Variants in DIAPH1 observed in about 807,000 individuals in gnomAD.
DIAPH1 encodes diaphanous related formin 1.
In DIAPH1, 46 loss-of-function variants were observed where a neutral mutation model predicts 140.7. The ratio of observed to expected loss-of-function variants is 0.33; its 90% CI spans 0.26 to 0.42. DIAPH1 has a LOEUF of 0.42. Among genes scored for constraint, DIAPH1 ranks in the 10% least tolerant of loss-of-function variants. The probability of loss-of-function intolerance (pLI) is 1.00; values close to 1 mark genes in which losing one functional copy is unlikely to be tolerated. For synonymous variants in DIAPH1, 565 were observed against 551.6 expected (o/e 1.02, Z -0.34); for missense variants, 1,310 against 1,558.7 (o/e 0.84, Z 2.69).
At chr5:141,591,695 GATATATATATATATATATATAT>G (rs56117502) in intron 1 of DIAPH1, among the ~76,000 whole-genome samples, 5 of 86,326 alleles carry the variant, frequency 5.8e-5, no homozygotes, top group African/African-American at 2.9e-4. Flanking sequence ...GGGAGATGGG[GATATATATATATATATATATAT>G]ATATATATAT....
intron 18 of DIAPH1, among the ~76,000 whole-genome samples, chr5:141,555,601 C>T (rs2099892444): frequency 6.6e-6 from 1 of 152,182 alleles, no homozygotes; most frequent in South Asian, 2.1e-4. Flanking sequence ...CTCATGCTGT[C>T]CCTCACCCTA....
intron 17 of DIAPH1, 21 bp from the exon 18 acceptor site, chr5:141,571,457 G>A (rs1018604831): frequency 6.2e-7 from 1 of 1,607,208 alleles, no homozygotes; most frequent in African/African-American, 1.3e-5. Flanking sequence ...AAAGTGCCAG[G>A]AGGGAGAAGG....
chr5:141,529,357 C>T (rs1179844660), intron 20 of DIAPH1, 84 bp from the exon 21 acceptor site: 3 of 1,105,820 alleles, frequency 2.7e-6, no homozygotes, highest in African/African-American at 3.1e-5. Context: ...TTGTCAGTCC[C>T]ACACTCTGCT....
At chr5:141,602,062 A>T (rs916804415) in intron 1 of DIAPH1, among the ~76,000 whole-genome samples, 3 of 152,162 alleles carry the variant, frequency 2.0e-5, no homozygotes, top group African/African-American at 7.2e-5. Context: ...GGCATATGTC[A>T]CTTAGAATCA....
chr5:141,550,392 T>G (rs1358935001), intron 18 of DIAPH1: 1 of 154,376 alleles, frequency 6.5e-6, no homozygotes, highest in Non-Finnish European at 1.5e-5. Context: ...TTCCTCTTTC[T>G]CTCATGTCCT....
chr5:141,574,930 G>T, intron 15 of DIAPH1, 37 bp downstream of exon 15: 1 of 1,612,526 alleles, frequency 6.2e-7, no homozygotes, highest in South Asian at 1.1e-5. Context: ...GCATCCTGAG[G>T]TTACAGGTCA....
At chr5:141,583,362 C>G in intron 5 of DIAPH1, 70 bp from the exon 6 acceptor site, 4 of 1,604,276 alleles carry the variant, frequency 2.5e-6, no homozygotes, top group Non-Finnish European at 3.4e-6. Flanking sequence ...AAAGTTTATC[C>G]TGACAACTTA....
intron 1 of DIAPH1, among the ~76,000 whole-genome samples, chr5:141,599,580 A>G (rs2099899829): frequency 6.6e-6 from 1 of 152,168 alleles, no homozygotes; most frequent in Non-Finnish European, 1.5e-5. Context: ...CCTCCTGAGT[A>G]GCTGGGATTA....
chr5:141,551,010 T>C (rs1182192005), intron 18 of DIAPH1, among the ~76,000 whole-genome samples: 1 of 152,222 alleles, frequency 6.6e-6, no homozygotes, highest in Non-Finnish European at 1.5e-5. Flanking sequence ...ATGAATGCAG[T>C]ACATGATCCA....
At chr5:141,557,831 T>A (rs1038356328) in intron 18 of DIAPH1, 1 of 152,226 alleles carries the variant, frequency 6.6e-6, no homozygotes, top group Non-Finnish European at 1.5e-5. Flanking sequence ...GTGTCCCTGA[T>A]GAGCAACTGC....
chr5:141,538,518 C>T (rs1054653176), intron 18 of DIAPH1, among the ~76,000 whole-genome samples: 1 of 152,084 alleles, frequency 6.6e-6, no homozygotes, highest in Non-Finnish European at 1.5e-5. Context: ...ATGCAACCTC[C>T]GCCTCCTGGG....
rs578160746 is a variant in DIAPH1 at position 141,535,866 on chromosome 5, C to T, written c.2483-1433G>A. 5.9e-5 allele frequency among the ~76,000 whole-genome samples: 9 copies of T among 152,242 alleles called. No homozygotes were observed. The East Asian group carries it at 7.7e-4, about 13-fold the overall frequency. ...AGCAGAGGAATGGGGTGTTTGAACACGACAGTGGGAGGAATACTTTTGAAC... is the reference window on the plus strand; with the variant it reads ...AGCAGAGGAATGGGGTGTTTGAACATGACAGTGGGAGGAATACTTTTGAAC... On this transcript the variant is annotated intron_variant, in intron 18 of 27. Coordinates refer to ENST00000389054, the MANE Select transcript of DIAPH1 (RefSeq NM_005219.5).
At chr5:141,543,633 C>T (rs971109901) in intron 18 of DIAPH1, among the ~76,000 whole-genome samples, 10 of 152,074 alleles carry the variant, frequency 6.6e-5, no homozygotes, top group African/African-American at 2.4e-4. Context: ...CAATTGTAAG[C>T]TAATATAAGT....
chr5:141,522,456 G>A (rs2099886689), intron 27 of DIAPH1, among the ~76,000 whole-genome samples: 1 of 151,962 alleles, frequency 6.6e-6, no homozygotes, highest in African/African-American at 2.4e-5. Flanking sequence ...GCAGAGGGAA[G>A]CCACTGATGT....
intron 1 of DIAPH1, among the ~76,000 whole-genome samples, chr5:141,604,063 T>C (rs188750544): frequency 1.3e-5 from 2 of 152,264 alleles, no homozygotes; most frequent in East Asian, 3.9e-4. Context: ...AAAGCACACA[T>C]GGTTTGGGCA....
At chr5:141,556,877 T>A (rs1306730680) in intron 18 of DIAPH1, among the ~76,000 whole-genome samples, 1 of 152,140 alleles carries the variant, frequency 6.6e-6, no homozygotes, top group Non-Finnish European at 1.5e-5. Flanking sequence ...GTATTTTTAG[T>A]AGAGACGAGG....
At chr5:141,552,773 G>C (rs1369584389) in intron 18 of DIAPH1, among the ~76,000 whole-genome samples, 1 of 152,144 alleles carries the variant, frequency 6.6e-6, no homozygotes, top group Non-Finnish European at 1.5e-5. Context: ...GAGACACAAG[G>C]AATGCGCACA....
chr5:141,608,475 A>G (rs1256432013), intron 1 of DIAPH1, among the ~76,000 whole-genome samples: 1 of 152,204 alleles, frequency 6.6e-6, no homozygotes, highest in Non-Finnish European at 1.5e-5. Flanking sequence ...ACAGCCTTAG[A>G]GCTTTTTCTA....
chr5:141,594,817 G>C (rs1294140998), intron 1 of DIAPH1, among the ~76,000 whole-genome samples: 4 of 151,678 alleles, frequency 2.6e-5, no homozygotes, highest in Admixed American at 1.3e-4. Context: ...GAGGCAGGTG[G>C]ATTCCCTGAG....
Sources: gnomAD v4.1 joint callset for allele counts (sites outside exome capture counted in the v4.1 genomes callset) on GRCh38, gnomAD v4.1.1 for gene constraint, MANE v1.5 for transcripts, NCBI Gene and HGNC (gene_info 2026-07-23, HGNC 2026-07-21) for gene names.